The following SUPT3H variants were observed in gnomAD, a reference collection of about 807,000 sequenced individuals.
SUPT3H encodes SPT3 homolog, SAGA and STAGA complex component.
SUPT3H carries 44 observed loss-of-function variants against 44.3 expected under a neutral mutation model. The ratio of observed to expected loss-of-function variants is 0.99; its 90% CI spans 0.78 to 1.28. The LOEUF is 1.28. Among genes scored for constraint, SUPT3H ranks in the 50% most tolerant of loss-of-function variants. SUPT3H has a pLI of 0.00. For synonymous variants in SUPT3H, 124 were observed against 125.6 expected (o/e 0.99, Z 0.09); for missense variants, 380 against 387.1 (o/e 0.98, Z 0.15).
intron 2 of SUPT3H, among the ~76,000 whole-genome samples, chr6:45,194,335 T>C (rs1815653522): frequency 6.6e-6 from 1 of 152,108 alleles, no homozygotes; most frequent in Non-Finnish European, 1.5e-5. Context: ...AAATGATACT[T>C]TAAAGTGTTG....
rs921874033 is a variant in SUPT3H, at chr6:45,015,793, G to A, written c.274-902C>T. ...GTTAAAAACTAAGATGCACACACGCGCGCGCACACACACACACACACACAC... is the reference window on the plus strand; with the variant it reads ...GTTAAAAACTAAGATGCACACACGCACGCGCACACACACACACACACACAC... On this transcript the variant is annotated intron_variant, in intron 4 of 10. Transcript: ENST00000371459. 2.2e-3 allele frequency among the ~76,000 whole-genome samples: 285 copies of A among 126,806 alleles called. 2 individuals carry two copies. Among genetic ancestry groups the A allele is most frequent in the African/African-American group, 6.7e-3 (257 of 38,188 alleles). The allele number at this position is 126,806 out of a possible 152,430, so 83.2% of individuals were successfully genotyped here.
At chr6:45,199,121 A>T (rs1816572731) in intron 2 of SUPT3H, among the ~76,000 whole-genome samples, 1 of 151,348 alleles carries the variant, frequency 6.6e-6, no homozygotes, top group African/African-American at 2.4e-5. Context: ...TTTATATTTC[A>T]AAATGTATTA....
At chr6:45,062,199 A>G (rs1792210870) in intron 3 of SUPT3H, among the ~76,000 whole-genome samples, 1 of 152,080 alleles carries the variant, frequency 6.6e-6, no homozygotes, top group Admixed American at 6.6e-5. Context: ...AGTTGTTGTA[A>G]TACTGTTGGG....
chr6:44,928,044 T>C (rs1301174466), intron 10 of SUPT3H, among the ~76,000 whole-genome samples: 1 of 152,202 alleles, frequency 6.6e-6, no homozygotes, highest in Non-Finnish European at 1.5e-5. Context: ...TTATGAAGTA[T>C]AATCTAATAT....
At chr6:45,370,500 A>G (rs1282457509) in intron 1 of SUPT3H, among the ~76,000 whole-genome samples, 1 of 152,198 alleles carries the variant, frequency 6.6e-6, no homozygotes, top group Non-Finnish European at 1.5e-5. Flanking sequence ...TGTAAAGCAG[A>G]AAACTGAAAT....
At chr6:44,957,826 A>G (rs542398519) in intron 7 of SUPT3H, among the ~76,000 whole-genome samples, 1 of 152,324 alleles carries the variant, frequency 6.6e-6, no homozygotes, top group East Asian at 1.9e-4. Flanking sequence ...AAACTTTTCT[A>G]TTCATCAAAA....
chr6:44,980,715 T>G (rs563512385), intron 6 of SUPT3H, among the ~76,000 whole-genome samples: 1 of 152,302 alleles, frequency 6.6e-6, no homozygotes, highest in South Asian at 2.1e-4. Context: ...CCAGAACTGA[T>G]TTTTAGCAGT....
chr6:44,899,543 C>T (rs746027777), intron 10 of SUPT3H, among the ~76,000 whole-genome samples: 74 of 152,072 alleles, frequency 4.9e-4, no homozygotes, highest in Non-Finnish European at 8.7e-4. Flanking sequence ...AAAAATTAGC[C>T]AGGTGTGGTG....
chr6:45,197,435 A>G (rs1295080379), intron 2 of SUPT3H, among the ~76,000 whole-genome samples: 1 of 151,520 alleles, frequency 6.6e-6, no homozygotes, highest in Non-Finnish European at 1.5e-5. Flanking sequence ...CTTTACATAC[A>G]TTGTTACTAA....
At chr6:45,310,468 C>T (rs1783761788) in intron 2 of SUPT3H, among the ~76,000 whole-genome samples, 1 of 152,124 alleles carries the variant, frequency 6.6e-6, no homozygotes, top group Non-Finnish European at 1.5e-5. Flanking sequence ...GGCAGGAAGT[C>T]AACCAGCACA....
chr6:45,366,266 C>T (rs1795120261), intron 1 of SUPT3H, among the ~76,000 whole-genome samples: 1 of 152,162 alleles, frequency 6.6e-6, no homozygotes, highest in South Asian at 2.1e-4. Context: ...ACTAAGAGGG[C>T]AGGTTCTGGG....
chr6:45,060,150 A>G (rs1791755812), intron 3 of SUPT3H, among the ~76,000 whole-genome samples: 1 of 152,188 alleles, frequency 6.6e-6, no homozygotes, highest in African/African-American at 2.4e-5. Context: ...GACAATCCTA[A>G]GCAAAAAGAA....
chr6:44,919,591 A>C (rs892242941), intron 10 of SUPT3H, among the ~76,000 whole-genome samples: 1 of 151,844 alleles, frequency 6.6e-6, no homozygotes, highest in African/African-American at 2.4e-5. Context: ...TAAGTATATG[A>C]GCATTGAATT....
intron 7 of SUPT3H, among the ~76,000 whole-genome samples, chr6:44,958,798 G>A (rs999302141): frequency 6.1e-5 from 9 of 146,762 alleles, no homozygotes; most frequent in Non-Finnish European, 6.0e-5. Context: ...AAAAATGGGT[G>A]TTTTTAAGCT....
chr6:45,003,181 T>C (rs1782235339), intron 6 of SUPT3H, among the ~76,000 whole-genome samples: 2 of 152,138 alleles, frequency 1.3e-5, no homozygotes, highest in African/African-American at 4.8e-5. Context: ...TGCAGTGATA[T>C]AAAGCATGTA....
chr6:45,043,680 A>C (rs9381361), intron 3 of SUPT3H, among the ~76,000 whole-genome samples: 90,556 of 151,896 alleles, frequency 0.6, 28,070 homozygotes, highest in African/African-American at 0.78. Context: ...TCTACTATGG[A>C]AGACTATACA....
chr6:44,833,885 A>C (rs1769320628), intron 10 of SUPT3H, among the ~76,000 whole-genome samples: 1 of 152,206 alleles, frequency 6.6e-6, no homozygotes, highest in South Asian at 2.1e-4. Context: ...TTACAATTTT[A>C]TTTCAAATTT....
At chr6:45,029,887 C>T (rs1015159356) in intron 3 of SUPT3H, among the ~76,000 whole-genome samples, 1 of 152,164 alleles carries the variant, frequency 6.6e-6, no homozygotes, top group African/African-American at 2.4e-5. Flanking sequence ...ACCTCAGCCT[C>T]CTGAAGAGCT....
chr6:45,133,623 A>G (rs1157041837), intron 2 of SUPT3H, among the ~76,000 whole-genome samples: 1 of 152,182 alleles, frequency 6.6e-6, no homozygotes, highest in Non-Finnish European at 1.5e-5. Context: ...CTGAGATGTG[A>G]TTATTCATGG....
Sources: gnomAD v4.1 joint callset for allele counts (sites outside exome capture counted in the v4.1 genomes callset) on GRCh38, gnomAD v4.1.1 for gene constraint, MANE v1.5 for transcripts, NCBI Gene and HGNC (gene_info 2026-07-23, HGNC 2026-07-21) for gene names.